Variants in ARHGAP26 observed in about 807,000 individuals in gnomAD.
ARHGAP26 encodes rho GTPase-activating protein 26.
ARHGAP26 carries 38 observed loss-of-function variants against 104.8 expected under a neutral mutation model. The ratio of observed to expected loss-of-function variants is 0.36; its 90% confidence interval spans 0.28 to 0.48. The LOEUF (loss-of-function observed/expected upper bound fraction) is 0.48, where lower values mean the gene tolerates loss of function less well. Among genes scored for constraint, ARHGAP26 ranks in the 20% least tolerant of loss-of-function variants. ARHGAP26 has a pLI of 0.99. For synonymous variants in ARHGAP26, 341 were observed against 340.0 expected (o/e 1.00, Z -0.03); for missense variants, 704 against 947.9 (o/e 0.74, Z 3.38).
chr5:142,825,605 AG>A (rs1338559101), intron 1 of ARHGAP26, among the ~76,000 whole-genome samples: 1 of 152,168 alleles, frequency 6.6e-6, no homozygotes, highest in Non-Finnish European at 1.5e-5. Context: ...TGAAGTTCAA[AG>A]GGTTATTATT....
intron 12 of ARHGAP26, among the ~76,000 whole-genome samples, chr5:143,021,883 A>G (rs1197386480): frequency 6.6e-6 from 1 of 152,198 alleles, no homozygotes; most frequent in Non-Finnish European, 1.5e-5. Context: ...ACTGTTTCTC[A>G]GTCTTGGTGC....
intron 11 of ARHGAP26, among the ~76,000 whole-genome samples, chr5:142,988,323 G>A (rs1243124030): frequency 6.6e-6 from 1 of 152,148 alleles, no homozygotes; most frequent in African/African-American, 2.4e-5. Flanking sequence ...ATTTCTGTGG[G>A]ATTGGTGGTG....
chr5:142,800,790 G>A (rs761345993), intron 1 of ARHGAP26, among the ~76,000 whole-genome samples: 7 of 152,184 alleles, frequency 4.6e-5, no homozygotes, highest in African/African-American at 9.7e-5. Context: ...TTGTGCTCAC[G>A]TGTGATTTGA....
chr5:142,974,237 A>G (rs540963286), intron 11 of ARHGAP26, among the ~76,000 whole-genome samples: 22 of 151,298 alleles, frequency 1.5e-4, no homozygotes, highest in African/African-American at 5.1e-4. Flanking sequence ...GAATAATTCA[A>G]TGTCTCCAAC....
chr5:142,815,230 A>G (rs908661184), intron 1 of ARHGAP26, among the ~76,000 whole-genome samples: 19 of 152,134 alleles, frequency 1.2e-4, no homozygotes, highest in Non-Finnish European at 2.1e-4. Flanking sequence ...TAGTAGAGAT[A>G]TGGTTTCACC....
chr5:143,136,638 A>C (rs761097726), intron 19 of ARHGAP26, among the ~76,000 whole-genome samples: 1 of 151,846 alleles, frequency 6.6e-6, no homozygotes, highest in Non-Finnish European at 1.5e-5. Context: ...GCAGTGGGAG[A>C]GTTGACTGGG....
At chr5:142,977,289 C>T (rs186471409) in intron 11 of ARHGAP26, among the ~76,000 whole-genome samples, 73 of 152,264 alleles carry the variant, frequency 4.8e-4, no homozygotes, top group African/African-American at 1.5e-3. Context: ...CCTCAACCCG[C>T]GGTTCTTCCT....
chr5:142,824,983 G>A (rs559200256), intron 1 of ARHGAP26, among the ~76,000 whole-genome samples: 1 of 152,118 alleles, frequency 6.6e-6, no homozygotes, highest in Non-Finnish European at 1.5e-5. Flanking sequence ...AATGAAAATG[G>A]ATCAGCAACT....
chr5:143,012,548 CATACAT>C lies in ARHGAP26; in HGVS notation c.1108-1528_1108-1523del, dbSNP rs1248414167. 3.0e-4 allele frequency among the ~76,000 whole-genome samples: 7 copies of C among 23,350 alleles called. 2 individuals carry two copies. The highest frequency in any genetic ancestry group is 1.0e-3 in the South Asian group (1 of 960). The allele number at this position is 23,350 out of a possible 152,430, so 15.3% of individuals were successfully genotyped here. A position where few individuals can be genotyped will look rare whatever the true frequency, so the allele number is the denominator to read the frequency against. On this transcript the variant is annotated intron_variant, in intron 11 of 22. Transcript: ENST00000645722. ...CTGGAGGGATATATTTATATACATA[CATACAT>C]ATATATATATATATATATATATTAT...
intron 14 of ARHGAP26, among the ~76,000 whole-genome samples, chr5:143,046,402 G>A (rs766983106): frequency 2.0e-5 from 3 of 152,192 alleles, no homozygotes; most frequent in Non-Finnish European, 4.4e-5. Flanking sequence ...ACTTTGGGTT[G>A]GAAGAGGAAT....
At chr5:143,064,268 G>T (rs75183439) in intron 17 of ARHGAP26, among the ~76,000 whole-genome samples, 1 of 151,966 alleles carries the variant, frequency 6.6e-6, no homozygotes. Context: ...CTGCCTGGCC[G>T]TGTTGTAGGC....
At chr5:142,958,034 A>T (rs1769545155) in intron 11 of ARHGAP26, among the ~76,000 whole-genome samples, 1 of 152,306 alleles carries the variant, frequency 6.6e-6, no homozygotes, top group South Asian at 2.1e-4. Flanking sequence ...CATTTGAAAT[A>T]ACATTTGAAA....
chr5:143,033,763 A>G (rs1409172280), intron 12 of ARHGAP26, among the ~76,000 whole-genome samples: 1 of 151,330 alleles, frequency 6.6e-6, no homozygotes, highest in Non-Finnish European at 1.5e-5. Flanking sequence ...GCACTGTGTA[A>G]AATGGCAATT....
intron 1 of ARHGAP26, among the ~76,000 whole-genome samples, chr5:142,779,009 G>A (rs1198788453): frequency 6.6e-6 from 1 of 151,918 alleles, no homozygotes; most frequent in African/African-American, 2.4e-5. Context: ...TTAATTGGAT[G>A]TGTCCCTATT....
intron 17 of ARHGAP26, among the ~76,000 whole-genome samples, chr5:143,091,169 G>A (rs1250814033): frequency 6.6e-6 from 1 of 152,162 alleles, no homozygotes; most frequent in East Asian, 1.9e-4. Flanking sequence ...AGGGGGCGGC[G>A]CTTTCTTGAC....
intron 1 of ARHGAP26, among the ~76,000 whole-genome samples, chr5:142,839,700 C>T (rs1327041761): frequency 6.6e-6 from 1 of 152,078 alleles, no homozygotes; most frequent in Non-Finnish European, 1.5e-5. Context: ...AGAAAGCTGG[C>T]AAAAACAATT....
At chr5:142,971,109 G>C (rs1300358474) in intron 11 of ARHGAP26, among the ~76,000 whole-genome samples, 1 of 152,010 alleles carries the variant, frequency 6.6e-6, no homozygotes, top group Non-Finnish European at 1.5e-5. Flanking sequence ...TTTTTTCAGA[G>C]ATGTCCATTA....
intron 20 of ARHGAP26, among the ~76,000 whole-genome samples, chr5:143,177,456 C>T (rs1803635924): frequency 6.6e-6 from 1 of 152,100 alleles, no homozygotes; most frequent in Non-Finnish European, 1.5e-5. Context: ...TGGTTGATTA[C>T]CAGACCACAG....
rs79739443 is a variant in ARHGAP26, at chr5:143,045,576, G to A, written c.1285+3686G>A. ...AACCTTCCCCTGAGATGGCTGGGCCGAGTGAACCTTTCATTAACTATTTCT... is the reference window on the plus strand; with the variant it reads ...AACCTTCCCCTGAGATGGCTGGGCCAAGTGAACCTTTCATTAACTATTTCT... On this transcript the variant is annotated intron_variant, in intron 14 of 22. Coordinates refer to ENST00000645722, the MANE Select transcript of ARHGAP26 (RefSeq NM_001135608.3). Among the ~76,000 whole-genome samples the A allele has an allele frequency of 2.1e-3, 315 of 152,330 alleles. 4 individuals carry two copies. The East Asian group carries it at 0.041, about 20-fold the overall frequency.
Sources: allele counts gnomAD v4.1 joint callset (sites outside exome capture counted in the v4.1 genomes callset), GRCh38; gene constraint gnomAD v4.1.1; transcripts MANE v1.5; gene names NCBI Gene and HGNC (gene_info 2026-07-23, HGNC 2026-07-21).